Variants in ASTN2 observed in about 807,000 individuals in gnomAD.
ASTN2 encodes astrotactin 2.
A neutral mutation model predicts 139.8 loss-of-function variants in ASTN2; 54 were observed. The ratio of observed to expected loss-of-function variants is 0.39; its 90% CI spans 0.31 to 0.48. ASTN2 has a LOEUF of 0.48. ASTN2 is among the 20% of genes least tolerant of loss of function. The pLI, the probability that ASTN2 is intolerant of heterozygous loss-of-function variation, is 0.95. For missense variants in ASTN2, 1,565 were observed against 1,725.1 expected, an observed-to-expected ratio of 0.91 and a Z score of 1.64; for synonymous variants, 756 against 719.5, an observed-to-expected ratio of 1.05 and a Z score of -0.81.
In ASTN2 at chr9:116,976,793, T is replaced by G; in HGVS notation, c.1592-8A>C. The G allele has an allele frequency of 6.2e-7, 1 of 1,612,972 alleles. No individual in the cohort carries two copies. The highest frequency in any genetic ancestry group is 8.5e-7 in the Non-Finnish European group (1 of 1,179,352). The stretch of plus-strand genomic sequence containing the variant: ...CATGACAGCTGCACTCTCCTGTAAG[T>G]GAAAAGAAAAAAGATTATTGTTAAG... On this transcript the variant is annotated splice_region_variant and splice_polypyrimidine_tract_variant and intron_variant, in intron 7 of 22. Coordinates refer to ENST00000313400, the MANE Select transcript of ASTN2 (RefSeq NM_001365068.1).
rs192444738 is a variant in ASTN2, at chr9:117,274,053, A to G, written c.630+17273T>C. Among the ~76,000 whole-genome samples, 438 of 152,224 alleles carry G rather than the reference A, an allele frequency of 2.9e-3. 4 individuals carry two copies. The highest frequency in any genetic ancestry group is 8.2e-3 in the African/African-American group (340 of 41,550). ...TTTCTCCACTCAGGCGCCTCCCAAC[A>G]AAAGTCTGGAGTGGAGGTCTGGTGT... On this transcript the variant is annotated intron_variant, in intron 2 of 22. Coordinates refer to ENST00000313400, the MANE Select transcript of ASTN2 (RefSeq NM_001365068.1).
At chr9:117,064,311 T>C (rs1331004143) in intron 5 of ASTN2, among the ~76,000 whole-genome samples, 1 of 152,132 alleles carries the variant, frequency 6.6e-6, no homozygotes, top group African/African-American at 2.4e-5. Flanking sequence ...GCTATTTTGG[T>C]ATCTACTGGG....
intron 1 of ASTN2, among the ~76,000 whole-genome samples, chr9:117,387,199 T>C (rs1192890671): frequency 6.6e-6 from 1 of 152,214 alleles, no homozygotes; most frequent in Non-Finnish European, 1.5e-5. Context: ...GCTCAGTATA[T>C]CCTCACTGAA....
At chr9:116,830,625 C>CGGG (rs375740124) in intron 11 of ASTN2, among the ~76,000 whole-genome samples, 29,896 of 151,542 alleles carry the variant, frequency 0.2, 3,175 homozygotes, top group East Asian at 0.45. Context: ...AACCCTGTCT[C>CGGG]TACTAAAAGT....
chr9:117,091,350 C>T (rs1233532421), intron 5 of ASTN2, among the ~76,000 whole-genome samples: 2 of 152,186 alleles, frequency 1.3e-5, no homozygotes, highest in Admixed American at 6.5e-5. Context: ...GAGGACAAAA[C>T]TGGACACAAA....
Position 116,693,812 on chromosome 9 carries a change from A to G in ASTN2, c.2806+31959T>C, listed in dbSNP as rs528552111. On this transcript the variant is annotated intron_variant, in intron 16 of 22. Transcript: ENST00000313400. ...CTTTTATTTGTGTAGTCTTTTGGGG[A>G]AACTGAAGTCAAATTGACCTTCTAT... Among the ~76,000 whole-genome samples the G allele has an allele frequency of 2.6e-5, 4 of 152,272 alleles. 1 individual carries two copies. In the South Asian group the frequency reaches 8.3e-4, roughly 32 times the overall value.
In ASTN2 at chr9:116,597,058, A is replaced by T. The variant is rs558185086; in HGVS notation, c.3355+21266T>A. 3.3e-5 allele frequency among the ~76,000 whole-genome samples: 5 copies of T among 151,650 alleles called. No homozygotes were observed. The East Asian group carries it at 9.8e-4, about 30-fold the overall frequency. On this transcript the variant is annotated intron_variant, in intron 19 of 22. Coordinates refer to ENST00000313400, the MANE Select transcript of ASTN2 (RefSeq NM_001365068.1). ...GGTTATATTGTTCTCCTCTCCAAATATAAGGGGATTATCTCTCAAGGATGG... is the reference window on the plus strand; with the variant it reads ...GGTTATATTGTTCTCCTCTCCAAATTTAAGGGGATTATCTCTCAAGGATGG...
intron 22 of ASTN2, among the ~76,000 whole-genome samples, chr9:116,434,439 A>G (rs1352214305): frequency 6.6e-6 from 1 of 152,228 alleles, no homozygotes; most frequent in Non-Finnish European, 1.5e-5. Flanking sequence ...CACTAAGAAC[A>G]CAGCAGTGGA....
chr9:116,719,991 A>G (rs1564230803), intron 16 of ASTN2, among the ~76,000 whole-genome samples: 1 of 152,204 alleles, frequency 6.6e-6, no homozygotes, highest in African/African-American at 2.4e-5. Context: ...AACTCCGTTC[A>G]TATCTTGTTG....
chr9:116,569,631 T>C (rs1454423124), intron 19 of ASTN2, among the ~76,000 whole-genome samples: 1 of 152,178 alleles, frequency 6.6e-6, no homozygotes, highest in Non-Finnish European at 1.5e-5. Flanking sequence ...TGGGTTCATG[T>C]GTTTTGCTGC....
At chr9:117,325,141 C>T (rs1012716568) in intron 1 of ASTN2, among the ~76,000 whole-genome samples, 3 of 152,118 alleles carry the variant, frequency 2.0e-5, no homozygotes, top group Non-Finnish European at 4.4e-5. Flanking sequence ...AACAAGCAGA[C>T]AAGAGACGCC....
rs1564297207 is a variant in ASTN2 at position 116,839,885 on chromosome 9, T to TATTA, written c.2041-19103_2041-19102insTAAT. Among the ~76,000 whole-genome samples, 171 of 116,588 alleles carry TATTA rather than the reference T, an allele frequency of 1.5e-3. 1 individual carries two copies. Among genetic ancestry groups the TATTA allele is most frequent in the African/African-American group, 6.3e-3 (162 of 25,656 alleles). The allele number at this position is 116,588 out of a possible 152,430, so 76.5% of individuals were successfully genotyped here. On this transcript the variant is annotated intron_variant, in intron 11 of 22. Transcript: ENST00000313400. ...ATTATTATTATTATTATTATTATTTTTTTTTTTTTAATTGATCATTCTTGG... is the reference window on the plus strand; with the variant it reads ...ATTATTATTATTATTATTATTATTTTATTATTTTTTTTTAATTGATCATTCTTGG...
intron 19 of ASTN2, among the ~76,000 whole-genome samples, chr9:116,549,324 C>T (rs899026335): frequency 6.6e-5 from 10 of 151,042 alleles, no homozygotes; most frequent in Admixed American, 5.3e-4. Flanking sequence ...AGGGGTAAAA[C>T]GTAGAGGGAC....
intron 3 of ASTN2, among the ~76,000 whole-genome samples, chr9:117,198,336 A>G (rs1831579972): frequency 2.0e-5 from 3 of 152,162 alleles, no homozygotes; most frequent in Admixed American, 2.0e-4. Context: ...AGCTTCATCC[A>G]TGTCCCTGCA....
chr9:117,172,674 G>A (rs1233688800), intron 3 of ASTN2, among the ~76,000 whole-genome samples: 1 of 152,124 alleles, frequency 6.6e-6, no homozygotes, highest in African/African-American at 2.4e-5. Flanking sequence ...CCCAGAGTGG[G>A]TAACATTTCT....
At chr9:117,066,163 C>A in intron 5 of ASTN2, among the ~76,000 whole-genome samples, 1 of 97,904 alleles carries the variant, frequency 1.0e-5, no homozygotes. Context: ...TGCTATCCCT[C>A]CCCCCTCCCC....
At chr9:116,848,113 C>A (rs1832494160) in intron 11 of ASTN2, among the ~76,000 whole-genome samples, 1 of 152,190 alleles carries the variant, frequency 6.6e-6, no homozygotes, top group Non-Finnish European at 1.5e-5. Flanking sequence ...ACACCAGACA[C>A]ACTGCTAGGC....
intron 1 of ASTN2, among the ~76,000 whole-genome samples, chr9:117,343,021 T>A (rs140401868): frequency 2.0e-5 from 3 of 152,246 alleles, no homozygotes; most frequent in South Asian, 4.2e-4. Context: ...AGGGGAATAG[T>A]TCCCCCCTCA....
chr9:117,401,253 G>A (rs764759279), intron 1 of ASTN2, among the ~76,000 whole-genome samples: 15 of 152,234 alleles, frequency 9.9e-5, no homozygotes, highest in South Asian at 2.1e-4. Flanking sequence ...CCTCAGCTAC[G>A]TAGCTGAGGG....
Sources: allele counts gnomAD v4.1 joint callset (sites outside exome capture counted in the v4.1 genomes callset), GRCh38; gene constraint gnomAD v4.1.1; transcripts MANE v1.5; gene names NCBI Gene and HGNC (gene_info 2026-07-23, HGNC 2026-07-21).